The following TBC1D10B variants were observed in gnomAD, a reference collection of about 807,000 sequenced individuals.
TBC1D10B encodes the protein Rab27A-GAPbeta.
A neutral mutation model predicts 78.4 loss-of-function variants in TBC1D10B; 25 were observed. The ratio of observed to expected loss-of-function variants is 0.32; its 90% confidence interval spans 0.23 to 0.45. TBC1D10B has a LOEUF of 0.45. Ranked by LOEUF, TBC1D10B falls within the 20% of genes least tolerant of loss-of-function variation. The pLI is 1.00. For missense variants in TBC1D10B, 996 were observed against 1,104.8 expected (o/e 0.90, Z 1.40); for synonymous variants, 517 against 478.0 (o/e 1.08, Z -1.06).
rs898391007 is a variant in TBC1D10B at position 30,358,827 on chromosome 16, T to C, written c.1643-10A>G. ...AAGATGATCTTAACGCCTGCAGGGG[T>C]GGAGAGTAGAGAGCATGGGGTGGTC... On this transcript the variant is annotated splice_polypyrimidine_tract_variant and intron_variant, in intron 7 of 8. Coordinates refer to ENST00000409939, the MANE Select transcript of TBC1D10B (RefSeq NM_015527.4). 2 of 1,599,344 alleles carry C rather than the reference T, an allele frequency of 1.3e-6. No homozygotes were observed. Among genetic ancestry groups the C allele is most frequent in the African/African-American group, 1.3e-5 (1 of 74,428 alleles).
chr16:30,358,195 TCTC>T lies in TBC1D10B; in HGVS notation c.2173_2175del (p.Glu725del), dbSNP rs878981276. On this transcript the variant is annotated inframe_deletion, in exon 9 of 9. Coordinates refer to ENST00000409939, the MANE Select transcript of TBC1D10B (RefSeq NM_015527.4). ...TCCTTCTCCTGTTTCTGCCGCTCCT[TCTC>T]CTGCTTCCGGGTCTCCTTGCTGGAA... The T allele has an allele frequency of 4.5e-6, 7 of 1,552,560 alleles. No individual in the cohort carries two copies. The African/African-American group carries it at 5.5e-5, about 12-fold the overall frequency.
In TBC1D10B at chr16:30,364,904, G is replaced by A; in HGVS notation, c.1267C>T (p.His423Tyr). The change falls in exon 4 of 9, where the codon CAT becomes TAT. Residue 423 changes from histidine to tyrosine, a missense_variant. Coordinates refer to ENST00000409939, the MANE Select transcript of TBC1D10B (RefSeq NM_015527.4). ...FHEMFAARGG[H>Y]GQQDLYRILK... ...CCCATGGTCCGGCCACCTTACCCAT[G>A]CCCCCCTCGAGCAGCAAACATCTCG... 2.5e-6 allele frequency: 4 copies of A among 1,608,690 alleles called. No homozygotes were observed. Among genetic ancestry groups the A allele is most frequent in the Non-Finnish European group, 3.4e-6 (4 of 1,177,684 alleles).
At chr16:30,364,816 G>A (rs1478697732) in intron 4 of TBC1D10B, 84 bp downstream of exon 4, 29 of 1,311,776 alleles carry the variant, frequency 2.2e-5, no homozygotes, top group Admixed American at 1.8e-4. Context: ...AACCACTTTC[G>A]ACTCAGTCTT....
Position 30,365,662 on chromosome 16 carries a change from T to A in TBC1D10B, c.957-68A>T. ...GTAAAACCTGCATTGCAGGGGGAAC[T>A]GAGGCAAGCCACCTCCCCAAGCTCA... On this transcript the variant is annotated intron_variant, in intron 1 of 8. Transcript: ENST00000409939. The surrounding 1 kb of genome is among the most constrained non-coding windows in gnomAD (Gnocchi z 5.0). 6.9e-7 allele frequency: 1 copy of A among 1,459,662 alleles called. No homozygotes were observed. 90.4% of individuals were successfully genotyped at this position (1,459,662 alleles called of 1,614,324 possible).
At chr16:30,361,540 C>T (rs1432881819) in intron 4 of TBC1D10B, among the ~76,000 whole-genome samples, 3 of 151,782 alleles carry the variant, frequency 2.0e-5, no homozygotes, top group Non-Finnish European at 2.9e-5. Flanking sequence ...CGCAATTCTC[C>T]TGCCTCAGCC....
chr16:30,359,915 G>A (rs534080596), intron 4 of TBC1D10B, 74 bp from the exon 5 acceptor site: 52 of 1,333,214 alleles, frequency 3.9e-5, no homozygotes, highest in Non-Finnish European at 5.2e-5. Flanking sequence ...TTCCAGATTC[G>A]TCCCAGAGTT....
chr16:30,369,494 G>C lies in TBC1D10B; in HGVS notation c.690C>G (p.Val230=). The stretch of plus-strand genomic sequence containing the variant: ...GCTCCGGAGCTGGGGTCACGGTCAC[G>C]ACAGCTACCGGAGCCTCACAAGTCC... The part of the protein sequence containing the change: ...PSGTCEAPVA[V]VTVTPAPEPA... The change falls in exon 1 of 9, where the codon GTC becomes GTG. Residue 230 remains valine (V), a synonymous_variant. Coordinates refer to ENST00000409939, the MANE Select transcript of TBC1D10B (RefSeq NM_015527.4). The surrounding 1 kb of genome is among the most constrained non-coding windows in gnomAD (Gnocchi z 4.3). The C allele has an allele frequency of 1.9e-6, 3 of 1,551,200 alleles. No homozygotes were observed. The highest frequency in any genetic ancestry group is 2.6e-6 in the Non-Finnish European group (3 of 1,146,978).
chr16:30,358,510 ACTT>A lies in TBC1D10B; in HGVS notation c.1858_1860del (p.Lys620del). On this transcript the variant is annotated inframe_deletion, in exon 9 of 9. Coordinates refer to ENST00000409939, the MANE Select transcript of TBC1D10B (RefSeq NM_015527.4). ...TGCAGCTCCCCCCGCGTTTCCCGCC[ACTT>A]CTTGAGCTGGGCTGCATTCTCCCGC... The A allele has an allele frequency of 6.2e-7, 1 of 1,610,458 alleles. No homozygotes were observed. Among genetic ancestry groups the A allele is most frequent in the Non-Finnish European group, 8.5e-7 (1 of 1,178,044 alleles).
Position 30,369,198 on chromosome 16 carries a change from C to A in TBC1D10B, c.956+30G>T. The A allele has an allele frequency of 6.5e-7, 1 of 1,530,706 alleles. No individual in the cohort carries two copies. The highest frequency in any genetic ancestry group is 8.8e-7 in the Non-Finnish European group (1 of 1,138,700). The allele number at this position is 1,530,706 out of a possible 1,614,324, so 94.8% of individuals were successfully genotyped here. ...TCCCCCAACCTTTGCTTCCCCGAGG[C>A]GGTCCCGCTGGGTGCCCACTGGTAC... On this transcript the variant is annotated intron_variant, in intron 1 of 8. Coordinates refer to ENST00000409939, the MANE Select transcript of TBC1D10B (RefSeq NM_015527.4). This position sits in a 1 kb window ranked among gnomAD's most constrained non-coding sequence, Gnocchi z 4.3.
intron 4 of TBC1D10B, among the ~76,000 whole-genome samples, chr16:30,362,874 T>C (rs2049608145): frequency 1.3e-5 from 2 of 151,966 alleles, no homozygotes. Flanking sequence ...CCGTCTCTAA[T>C]AAAAATACAA....
intron 4 of TBC1D10B, among the ~76,000 whole-genome samples, chr16:30,362,834 C>A (rs1334537678): frequency 6.6e-6 from 1 of 152,062 alleles, no homozygotes; most frequent in Admixed American, 6.6e-5. Flanking sequence ...GTCAGGAGTT[C>A]GAGACCAGCC....
At chr16:30,358,614 T>C (rs774706117) in intron 8 of TBC1D10B, 41 bp from the exon 9 acceptor site, 3 of 1,588,622 alleles carry the variant, frequency 1.9e-6, no homozygotes, top group Non-Finnish European at 2.6e-6. Context: ...GAGCTGAGGG[T>C]GGGAGCGGGC....
intron 4 of TBC1D10B, among the ~76,000 whole-genome samples, chr16:30,364,025 G>T (rs1284762864): frequency 6.6e-6 from 1 of 151,500 alleles, no homozygotes; most frequent in Admixed American, 6.6e-5. Flanking sequence ...ACTGAGGCAG[G>T]AGAATCACCT....
rs891009601 is a variant in TBC1D10B at position 30,359,488 on chromosome 16, C to T, written c.1452+50G>A. On this transcript the variant is annotated intron_variant, in intron 6 of 8. Transcript: ENST00000409939. ...GGGCAAGGCAAGGACCTGCCTGCAG[C>T]CTGGAGGAAACGCCACAGCCCCGGA... 4 of 1,552,040 alleles carry T rather than the reference C, an allele frequency of 2.6e-6. No individual in the cohort carries two copies. In the Admixed American group the frequency reaches 5.9e-5, roughly 23 times the overall value.
chr16:30,364,078 C>T (rs1209592060), intron 4 of TBC1D10B, among the ~76,000 whole-genome samples: 3 of 150,444 alleles, frequency 2.0e-5, no homozygotes, highest in Non-Finnish European at 1.5e-5. Context: ...GATCGTGCCA[C>T]TGTACTCCTG....
At chr16:30,364,458 A>G (rs2049621046) in intron 4 of TBC1D10B, among the ~76,000 whole-genome samples, 1 of 152,130 alleles carries the variant, frequency 6.6e-6, no homozygotes, top group Non-Finnish European at 1.5e-5. Context: ...AAAACAAAAA[A>G]AAGTCCATCA....
chr16:30,360,764 A>G (rs900945468), intron 4 of TBC1D10B, among the ~76,000 whole-genome samples: 7 of 152,044 alleles, frequency 4.6e-5, no homozygotes, highest in African/African-American at 1.7e-4. Context: ...ACCCACACCC[A>G]TCACCCACCT....
In TBC1D10B at chr16:30,365,700, G is replaced by A; in HGVS notation, c.957-106C>T. 9.5e-7 allele frequency: 1 copy of A among 1,052,122 alleles called. No individual in the cohort carries two copies. Among genetic ancestry groups the A allele is most frequent in the Non-Finnish European group, 1.4e-6 (1 of 694,802 alleles). The allele number at this position is 1,052,122 out of a possible 1,614,324, so 65.2% of individuals were successfully genotyped here. ...CTCCCCAAGCTCAAACGAGAAACTG[G>A]ATAGTCTGTGAGCTGCCAAACATCA... is the stretch of plus-strand genomic sequence containing the variant. On this transcript the variant is annotated intron_variant, in intron 1 of 8. Coordinates refer to ENST00000409939, the MANE Select transcript of TBC1D10B (RefSeq NM_015527.4). The surrounding 1 kb of genome is among the most constrained non-coding windows in gnomAD (Gnocchi z 5.0).
At position 30,364,892 on chromosome 16, in the gene TBC1D10B, C is replaced by T. The variant is rs1315810258; in HGVS notation, c.1271+8G>A. 1 of 1,602,794 alleles carries T rather than the reference C, an allele frequency of 6.2e-7. No homozygotes were observed. The highest frequency in any genetic ancestry group is 8.5e-7 in the Non-Finnish European group (1 of 1,175,050). On this transcript the variant is annotated splice_region_variant and intron_variant, in intron 4 of 8. Coordinates refer to ENST00000409939, the MANE Select transcript of TBC1D10B (RefSeq NM_015527.4). ...TGCTGACTGACCCCCATGGTCCGGC[C>T]ACCTTACCCATGCCCCCCTCGAGCA...
Sources: gnomAD v4.1 joint callset for allele counts (sites outside exome capture counted in the v4.1 genomes callset) on GRCh38, gnomAD v4.1.1 for gene constraint, Gnocchi (gnomAD v3.1) non-coding constraint, MANE v1.5 for transcripts, NCBI Gene and HGNC (gene_info 2026-07-23, HGNC 2026-07-21) for gene names.